COL2A1: variants seen among roughly 807,000 people sequenced by gnomAD.
The protein encoded by COL2A1 is collagen type II alpha 1 chain.
In COL2A1, 28 loss-of-function variants were observed where a neutral mutation model predicts 204.5. The ratio of observed to expected loss-of-function variants is 0.14; its 90% CI spans 0.10 to 0.19. The LOEUF is 0.19. Ranked by LOEUF, COL2A1 falls within the 10% of genes least tolerant of loss-of-function variation. COL2A1 has a pLI of 1.00. For missense variants in COL2A1, 1,388 were observed against 2,027.5 expected (o/e 0.68, Z 6.06); for synonymous variants, 708 against 718.7 (o/e 0.99, Z 0.24).
At chr12:47,983,883 T>A in intron 29 of COL2A1, 147 bp from the exon 30 acceptor site, 1 of 960,704 alleles carries the variant, frequency 1.0e-6, no homozygotes, top group South Asian at 1.4e-5. Context: ...CTCCCTGCAC[T>A]CCCATCAGCC....
Position 47,985,957 on chromosome 12 carries a change from G to A in COL2A1, c.1536C>T (p.Pro512=), listed in dbSNP as rs770210280. ...CTTGACCTGGGAAACCGCGGTTGCCGGGAGCACCCTAAGGAGCCACAGGGA... is the reference window on the plus strand; with the variant it reads ...CTTGACCTGGGAAACCGCGGTTGCCAGGAGCACCCTAAGGAGCCACAGGGA... The part of the protein sequence containing the change: ...PIGPPGERGA[P]GNRGFPGQDG... The change falls in exon 24 of 54, where the codon CCC becomes CCT. Residue 512 remains proline (P), a synonymous_variant. Coordinates refer to ENST00000380518, the MANE Select transcript of COL2A1 (RefSeq NM_001844.5). 26 of 1,551,500 alleles carry A rather than the reference G, an allele frequency of 1.7e-5. No individual in the cohort carries two copies. The highest frequency in any genetic ancestry group is 5.5e-5 in the African/African-American group (4 of 73,028).
At chr12:47,981,007 C>G in intron 37 of COL2A1, 39 bp from the exon 38 acceptor site, 1 of 1,529,794 alleles carries the variant, frequency 6.5e-7, no homozygotes, top group Non-Finnish European at 8.8e-7. Context: ...TCAGGCCCCG[C>G]TGCCTGACCT....
chr12:47,992,293 T>G (rs904483791), intron 16 of COL2A1, among the ~76,000 whole-genome samples: 3 of 152,120 alleles, frequency 2.0e-5, no homozygotes, highest in African/African-American at 7.2e-5. Context: ...TCTTAAGCTA[T>G]TTCACCTTTC....
chr12:47,999,653 T>TTTTTTTA (rs1940137346), intron 2 of COL2A1: 1 of 179,310 alleles, frequency 5.6e-6, no homozygotes, highest in African/African-American at 2.4e-5. Flanking sequence ...TTTTTTTTTT[T>TTTTTTTA]GTAGAATCAC....
At position 47,983,743 on chromosome 12, in the gene COL2A1, T is replaced by G. The variant is rs1480297314; in HGVS notation, c.1942-7A>C. On this transcript the variant is annotated splice_region_variant and splice_polypyrimidine_tract_variant and intron_variant, in intron 29 of 53. Transcript: ENST00000380518. ...CTCGTTCACCAGCAGGTCCCTGCAG[T>G]GGAAAAGAAAAGGTGAGCTGAGCCA... 2 of 1,583,954 alleles carry G rather than the reference T, an allele frequency of 1.3e-6. No individual in the cohort carries two copies. The highest frequency in any genetic ancestry group is 2.3e-5 in the South Asian group (2 of 86,542).
chr12:47,994,531 G>C, intron 11 of COL2A1, 54 bp from the exon 12 acceptor site: 1 of 1,598,204 alleles, frequency 6.3e-7, no homozygotes, highest in Non-Finnish European at 8.6e-7. Flanking sequence ...GTAGCATAGT[G>C]GGGGCACCCC....
At chr12:47,984,401 GC>G in intron 28 of COL2A1, 144 bp downstream of exon 28, 1 of 898,054 alleles carries the variant, frequency 1.1e-6, no homozygotes. Context: ...CACCCAAAGG[GC>G]CCAGCCAGCA....
In COL2A1 at chr12:47,987,456, G is replaced by T; in HGVS notation, c.1222-143C>A. ...ACTATGTGTTTCAAGGGGAAGATGGGATAGAAGGGAATACATCTAGAGGTG... is the reference window on the plus strand; with the variant it reads ...ACTATGTGTTTCAAGGGGAAGATGGTATAGAAGGGAATACATCTAGAGGTG... On this transcript the variant is annotated intron_variant, in intron 19 of 53. Transcript: ENST00000380518. This position sits in a 1 kb window ranked among gnomAD's most constrained non-coding sequence, Gnocchi z 4.1. 9.3e-7 allele frequency: 1 copy of T among 1,073,422 alleles called. No homozygotes were observed. 66.5% of individuals were successfully genotyped at this position (1,073,422 alleles called of 1,614,324 possible).
At position 47,982,108 on chromosome 12, in the gene COL2A1, C is replaced by G. The variant is rs759073173; in HGVS notation, c.2354G>C (p.Arg785Pro). 1.2e-6 allele frequency: 2 copies of G among 1,613,744 alleles called. No individual in the cohort carries two copies. Among genetic ancestry groups the G allele is most frequent in the Non-Finnish European group, 8.5e-7 (1 of 1,179,794 alleles). ...GTCCAGCAGCCCGCATTCACTTACTCGTCCACCATCCTTTCCAGGGGCTCC... is the reference window on the plus strand; with the variant it reads ...GTCCAGCAGCCCGCATTCACTTACTGGTCCACCATCCTTTCCAGGGGCTCC... ...PEGAPGKDGG[R>P]GLTGPIGPPG... is the part of the protein sequence containing the mutation. The change falls in exon 35 of 54, where the codon CGA (arginine) becomes CCA (proline). Residue 785 changes from arginine (R) to proline (P), a missense_variant and splice_region_variant. Arg to Pro is a moderately radical substitution (Grantham distance 103). Around this residue, in one of 3 missense-constraint regions of COL2A1, gnomAD observed 884 missense variants for 1,415.8 expected, o/e 0.62. Transcript: ENST00000380518.
intron 1 of COL2A1, among the ~76,000 whole-genome samples, chr12:48,003,197 G>C (rs1940315968): frequency 6.6e-6 from 1 of 152,120 alleles, no homozygotes; most frequent in Non-Finnish European, 1.5e-5. Flanking sequence ...GGGTAGAAAG[G>C]TGCAGTCCGA....
At position 47,975,539 on chromosome 12, in the gene COL2A1, C is replaced by T. The variant is rs995646562; in HGVS notation, c.3664G>A (p.Ala1222Thr). ...GPPGPGIDMS[A>T]FAGLGPREKG... ...TCTCTCGGGCCTAAGCCAGCAAAGGCGGACATGTCGATGCCAGGGCCAGGG... is the reference window on the plus strand; with the variant it reads ...TCTCTCGGGCCTAAGCCAGCAAAGGTGGACATGTCGATGCCAGGGCCAGGG... The change falls in exon 51 of 54, where the codon GCC becomes ACC. Residue 1222 changes from alanine (A) to threonine (T), a missense_variant. Around this residue, in one of 3 missense-constraint regions of COL2A1, gnomAD observed 303 missense variants for 369.2 expected, o/e 0.82. Transcript: ENST00000380518. 14 of 1,606,458 alleles carry T rather than the reference C, an allele frequency of 8.7e-6. No individual in the cohort carries two copies. The highest frequency in any genetic ancestry group is 2.2e-5 in the East Asian group (1 of 44,866).
upstream of COL2A1, chr12:48,005,175 C>T (rs1940420870): frequency 1.3e-5 from 2 of 152,562 alleles, no homozygotes; most frequent in Non-Finnish European, 2.9e-5. Context: ...CGAAGTTGGC[C>T]TGAGCCGACA....
chr12:47,987,601 C>G lies in COL2A1; in HGVS notation c.1221+10G>C. Reference sequence around the variant, plus strand: ...CAGACCCCCCCAGGCCAAAGAGAAGCTGCACTTACGGAGGCACCAGCAGGC... The same window carrying G: ...CAGACCCCCCCAGGCCAAAGAGAAGGTGCACTTACGGAGGCACCAGCAGGC... On this transcript the variant is annotated intron_variant, in intron 19 of 53. Transcript: ENST00000380518. The surrounding 1 kb of genome is among the most constrained non-coding windows in gnomAD (Gnocchi z 4.1). 5.6e-6 allele frequency: 9 copies of G among 1,608,370 alleles called. No individual in the cohort carries two copies. The highest frequency in any genetic ancestry group is 7.6e-6 in the Non-Finnish European group (9 of 1,176,610).
At chr12:47,982,268 G>T (rs1939135064) in intron 34 of COL2A1, 108 bp from the exon 35 acceptor site, 2 of 1,042,312 alleles carry the variant, frequency 1.9e-6, no homozygotes, top group Admixed American at 1.7e-5. Context: ...CCCTGCCCAA[G>T]AGGAATTTGC....
intron 28 of COL2A1, 78 bp from the exon 29 acceptor site, chr12:47,984,218 A>T: frequency 7.3e-7 from 1 of 1,374,962 alleles, no homozygotes; most frequent in Non-Finnish European, 1.0e-6. Context: ...GGGCAAAGGT[A>T]CTTCTGGCCC....
intron 53 of COL2A1, 72 bp downstream of exon 53, chr12:47,974,017 G>A (rs1003140698): frequency 5.3e-5 from 85 of 1,610,268 alleles, no homozygotes; most frequent in Middle Eastern, 1.6e-4. Context: ...GACAGCTGCC[G>A]CGGGCCAACC....
rs1156932256 is a variant in COL2A1, at chr12:47,976,319, A to G, written c.3489+195T>C. Among the ~76,000 whole-genome samples, 1 of 152,180 alleles carries G rather than the reference A, an allele frequency of 6.6e-6. No individual in the cohort carries two copies. Among genetic ancestry groups the G allele is most frequent in the East Asian group, 1.9e-4 (1 of 5,200 alleles). ...CTGTCTGACAGCGAGAGGCTGATTC[A>G]TGTTTGTCTTACAGCCATTGTGGCC... On this transcript the variant is annotated intron_variant, in intron 49 of 53. Transcript: ENST00000380518. This position sits in a 1 kb window ranked among gnomAD's most constrained non-coding sequence, Gnocchi z 4.3.
At chr12:47,984,960 C>T (rs748428510) in intron 27 of COL2A1, 35 bp downstream of exon 27, 1 of 1,566,376 alleles carries the variant, frequency 6.4e-7, no homozygotes, top group East Asian at 2.3e-5. Flanking sequence ...GGTAGCACCA[C>T]ATGGAAGGAA....
At chr12:47,973,945 G>A in intron 53 of COL2A1, 144 bp downstream of exon 53, 1 of 1,168,384 alleles carries the variant, frequency 8.6e-7, no homozygotes, top group Non-Finnish European at 1.2e-6. Context: ...CTGTCACTCA[G>A]CCTATCTTCT....
Sources: allele counts gnomAD v4.1 joint callset (sites outside exome capture counted in the v4.1 genomes callset), GRCh38; gene constraint gnomAD v4.1.1; regional missense constraint gnomAD v4.1.1; non-coding constraint Gnocchi (gnomAD v3.1); transcripts MANE v1.5; gene names NCBI Gene and HGNC (gene_info 2026-07-23, HGNC 2026-07-21).